CDH18: variants seen among roughly 807,000 people sequenced by gnomAD.
CDH18 encodes cadherin-18.
In CDH18, 31 loss-of-function variants were observed where a neutral mutation model predicts 67.9. That is an observed-to-expected ratio of 0.46 (90% confidence interval 0.34 to 0.62). CDH18 has a LOEUF of 0.62. CDH18 is among the 20% of genes least tolerant of loss of function. The probability of loss-of-function intolerance (pLI) is 0.01; values close to 1 mark genes in which losing one functional copy is unlikely to be tolerated. For missense variants in CDH18, 890 were observed against 975.5 expected, an observed-to-expected ratio of 0.91 and a Z score of 1.17; for synonymous variants, 362 against 347.2, an observed-to-expected ratio of 1.04 and a Z score of -0.48.
rs377211565 is a variant in CDH18 at position 19,972,473 on chromosome 5, C to T, written c.-257+8587G>A. 9.2e-5 allele frequency among the ~76,000 whole-genome samples: 14 copies of T among 151,964 alleles called. No individual in the cohort carries two copies. In the South Asian group the frequency reaches 2.1e-3, roughly 23 times the overall value. On this transcript the variant is annotated intron_variant, in intron 2 of 12. Transcript: ENST00000382275. ...TGAAGGCGGTGCATTATCAATAAAGCGAAAGTGGCAAATTAAAACAATTGA... is the reference window on the plus strand; with the variant it reads ...TGAAGGCGGTGCATTATCAATAAAGTGAAAGTGGCAAATTAAAACAATTGA...
chr5:19,732,045 G>A (rs62353360), intron 4 of CDH18, among the ~76,000 whole-genome samples: 31,267 of 151,826 alleles, frequency 0.21, 3,739 homozygotes, highest in Non-Finnish European at 0.26. Context: ...AGCCCTGATC[G>A]TGCCATTGCA....
intron 2 of CDH18, among the ~76,000 whole-genome samples, chr5:20,151,718 A>G (rs2126570923): frequency 6.6e-6 from 1 of 152,246 alleles, no homozygotes; most frequent in South Asian, 2.1e-4. Context: ...TTCTTTTCCC[A>G]AAGCATCTAG....
At chr5:19,913,820 T>A (rs1791429108) in intron 2 of CDH18, among the ~76,000 whole-genome samples, 1 of 152,112 alleles carries the variant, frequency 6.6e-6, no homozygotes, top group South Asian at 2.1e-4. Flanking sequence ...CATTGAGAAC[T>A]CTTCTGTTCC....
chr5:19,871,189 T>A (rs1017373985), intron 2 of CDH18, among the ~76,000 whole-genome samples: 33 of 152,086 alleles, frequency 2.2e-4, no homozygotes, highest in Non-Finnish European at 3.1e-4. Context: ...TAAGCTTTTT[T>A]AAAAAAATTC....
At chr5:20,113,999 G>A (rs1580273090) in intron 2 of CDH18, among the ~76,000 whole-genome samples, 1 of 152,270 alleles carries the variant, frequency 6.6e-6, no homozygotes. Flanking sequence ...ATTGATTGCT[G>A]CCTGAAATTT....
intron 2 of CDH18, among the ~76,000 whole-genome samples, chr5:20,022,337 T>C (rs1738504862): frequency 6.6e-6 from 1 of 152,220 alleles, no homozygotes. Context: ...AATGTAAGGA[T>C]TATGAAATAC....
chr5:19,483,173 A>C, intron 12 of CDH18, 128 bp downstream of exon 12: 1 of 810,286 alleles, frequency 1.2e-6, no homozygotes, highest in East Asian at 2.5e-5. Context: ...GAGAAAATTA[A>C]TTCATAGGAA....
At chr5:20,272,199 C>G (rs1300964946) in intron 1 of CDH18, among the ~76,000 whole-genome samples, 2 of 151,808 alleles carry the variant, frequency 1.3e-5, no homozygotes, top group Non-Finnish European at 2.9e-5. Flanking sequence ...ATCTGTAAAC[C>G]AAATCTGAAT....
chr5:20,377,516 T>A (rs1253680292), intron 1 of CDH18, among the ~76,000 whole-genome samples: 3 of 152,186 alleles, frequency 2.0e-5, no homozygotes, highest in Non-Finnish European at 1.5e-5. Flanking sequence ...TCTCAAGTAC[T>A]GTTATTCGAA....
intron 1 of CDH18, among the ~76,000 whole-genome samples, chr5:20,389,739 A>C (rs1199559587): frequency 2.0e-5 from 3 of 152,126 alleles, no homozygotes; most frequent in Non-Finnish European, 4.4e-5. Context: ...TTCAAACTAT[A>C]CTACAAGGTT....
chr5:20,342,241 G>A (rs1740331967), intron 1 of CDH18, among the ~76,000 whole-genome samples: 1 of 152,124 alleles, frequency 6.6e-6, no homozygotes, highest in Non-Finnish European at 1.5e-5. Flanking sequence ...ACGTGTGGGA[G>A]GACCCTGATG....
chr5:20,321,207 G>A (rs1737993339), intron 1 of CDH18, among the ~76,000 whole-genome samples: 1 of 151,938 alleles, frequency 6.6e-6, no homozygotes, highest in South Asian at 2.1e-4. Context: ...CTCCAACCAA[G>A]GAGAAGAAGA....
chr5:19,601,618 C>T (rs1747131121), intron 6 of CDH18, among the ~76,000 whole-genome samples: 1 of 112,614 alleles, frequency 8.9e-6, no homozygotes, highest in African/African-American at 3.2e-5. Flanking sequence ...CAGCATTCTC[C>T]TGAAACCAAA....
chr5:20,322,518 C>T (rs748390582), intron 1 of CDH18, among the ~76,000 whole-genome samples: 83 of 152,042 alleles, frequency 5.5e-4, no homozygotes, highest in Admixed American at 3.5e-3. Context: ...TCAGTTTTCT[C>T]TTCCTCAGTT....
At chr5:19,551,395 A>G (rs995457137) in intron 8 of CDH18, among the ~76,000 whole-genome samples, 4 of 152,200 alleles carry the variant, frequency 2.6e-5, no homozygotes, top group Non-Finnish European at 4.4e-5. Context: ...TATTATATCA[A>G]GCCATAGTAA....
chr5:19,785,450 C>T (rs1006502864), intron 3 of CDH18, among the ~76,000 whole-genome samples: 3 of 150,168 alleles, frequency 2.0e-5, no homozygotes, highest in East Asian at 2.0e-4. Context: ...GTTGGGAGTT[C>T]GAGATCAGCC....
chr5:19,512,434 T>A (rs2126837119), intron 10 of CDH18, among the ~76,000 whole-genome samples: 1 of 152,258 alleles, frequency 6.6e-6, no homozygotes, highest in Non-Finnish European at 1.5e-5. Flanking sequence ...GAAATAAAGA[T>A]CCACTGAGGC....
chr5:20,359,072 C>G (rs1002031919), intron 1 of CDH18, among the ~76,000 whole-genome samples: 1 of 151,796 alleles, frequency 6.6e-6, no homozygotes, highest in African/African-American at 2.4e-5. Flanking sequence ...GCTGGGATTA[C>G]AGGAGTGTGC....
intron 2 of CDH18, among the ~76,000 whole-genome samples, chr5:19,908,434 G>T (rs966567980): frequency 6.6e-6 from 1 of 151,808 alleles, no homozygotes; most frequent in Non-Finnish European, 1.5e-5. Context: ...GGGAGGAAAA[G>T]GTATACTAAG....
Sources: gnomAD v4.1 joint callset for allele counts (sites outside exome capture counted in the v4.1 genomes callset) on GRCh38, gnomAD v4.1.1 for gene constraint, MANE v1.5 for transcripts, NCBI Gene and HGNC (gene_info 2026-07-23, HGNC 2026-07-21) for gene names.